ROS1: variants seen among roughly 807,000 people sequenced by gnomAD.
ROS1 encodes proto-oncogene tyrosine-protein kinase ROS.
In ROS1, 263 loss-of-function variants were observed where a neutral mutation model predicts 273.5. The observed-to-expected ratio is 0.96, with a 90% CI of 0.87 to 1.06. The LOEUF is 1.06. ROS1 is among the 50% of genes least tolerant of loss of function. ROS1 has a pLI of 0.00. For synonymous variants in ROS1, 1,008 were observed against 954.1 expected (o/e 1.06, Z -1.04); for missense variants, 2,833 against 2,751.1 (o/e 1.03, Z -0.67).
chr6:117,387,089 T>G, intron 14 of ROS1, 90 bp from the exon 15 acceptor site: 1 of 554,564 alleles, frequency 1.8e-6, no homozygotes, highest in South Asian at 3.8e-5. Context: ...CCTTATATCT[T>G]ATGATTTTCT....
intron 39 of ROS1, among the ~76,000 whole-genome samples, chr6:117,315,625 G>C (rs1366703695): frequency 1.3e-5 from 2 of 152,006 alleles, no homozygotes; most frequent in Non-Finnish European, 2.9e-5. Context: ...CAAGTGTGAG[G>C]GAAGAATAAA....
intron 39 of ROS1, among the ~76,000 whole-genome samples, chr6:117,313,273 C>G (rs77831724): frequency 6.6e-6 from 1 of 151,990 alleles, no homozygotes; most frequent in Non-Finnish European, 1.5e-5. Context: ...ATCCTTTTAA[C>G]AAAAGTTAAG....
At chr6:117,346,314 A>T (rs940133415) in intron 27 of ROS1, among the ~76,000 whole-genome samples, 3 of 152,120 alleles carry the variant, frequency 2.0e-5, no homozygotes, top group Admixed American at 6.5e-5. Flanking sequence ...AAAAAGGACC[A>T]AGATAACTTG....
chr6:117,394,467 A>C (rs1392196422), intron 10 of ROS1, 121 bp from the exon 11 acceptor site: 28 of 831,890 alleles, frequency 3.4e-5, no homozygotes, highest in Admixed American at 4.0e-5. Context: ...TTTATTTTAA[A>C]AGAAAATATT....
At chr6:117,312,460 C>T (rs1208229681) in intron 39 of ROS1, among the ~76,000 whole-genome samples, 1 of 152,080 alleles carries the variant, frequency 6.6e-6, no homozygotes, top group Admixed American at 6.6e-5. Flanking sequence ...AAATCAATAT[C>T]CTCCAACCCT....
chr6:117,403,244 G>T lies in ROS1; in HGVS notation c.499C>A (p.Leu167Met), dbSNP rs1215188906. 9 of 1,612,136 alleles carry T rather than the reference G, an allele frequency of 5.6e-6. No individual in the cohort carries two copies. Among genetic ancestry groups the T allele is most frequent in the Non-Finnish European group, 6.8e-6 (8 of 1,179,638 alleles). The part of the protein sequence containing the change: ...VSRPSYVVKP[L>M]HPFTEYIFRV... ...AAAATGTACTCAGTGAAGGGGTGCA[G>T]GGGCTTGACCACATAGGACGGTCTG... is the stretch of plus-strand genomic sequence containing the variant. Residue 167 changes from leucine (L) to methionine (M), a missense_variant, in exon 7 of 44, where the codon CTG (leucine) becomes ATG (methionine). Coordinates refer to ENST00000368507, the MANE Select transcript of ROS1 (RefSeq NM_001378902.1).
intron 3 of ROS1, among the ~76,000 whole-genome samples, chr6:117,415,538 C>T (rs1775272821): frequency 6.6e-6 from 1 of 152,148 alleles, no homozygotes; most frequent in African/African-American, 2.4e-5. Flanking sequence ...GTAGTTACAA[C>T]ACGACAGGCT....
rs55708202 is a variant in ROS1 at position 117,321,255 on chromosome 6, A to C, written c.5759+4T>G. ...GCTCCATAATGATGGCCAAAGCTAC[A>C]TACTGTATTGCATAGCAGGCATTAG... is the stretch of plus-strand genomic sequence containing the variant. On this transcript the variant is annotated splice_donor_region_variant and intron_variant, in intron 36 of 43. Coordinates refer to ENST00000368507, the MANE Select transcript of ROS1 (RefSeq NM_001378902.1). The C allele has an allele frequency of 8.5e-3, 13,745 of 1,612,852 alleles. 411 individuals carry two copies. The highest frequency in any genetic ancestry group is 0.065 in the Admixed American group (3,848 of 59,522).
chr6:117,325,665 G>A (rs370944204), intron 34 of ROS1, among the ~76,000 whole-genome samples: 32 of 152,112 alleles, frequency 2.1e-4, no homozygotes, highest in African/African-American at 7.5e-4. Context: ...GTGGAAAGAG[G>A]AAGATGAGAA....
At position 117,383,577 on chromosome 6, in the gene ROS1, C is replaced by T. The variant is rs1003958354; in HGVS notation, c.2290-69G>A. ...CATTATTATTTCTGAATATTTATTG[C>T]AATCATTAATAAATTGCTTGATTAA... is the stretch of plus-strand genomic sequence containing the variant. On this transcript the variant is annotated intron_variant, in intron 16 of 43. Coordinates refer to ENST00000368507, the MANE Select transcript of ROS1 (RefSeq NM_001378902.1). 6 of 1,166,364 alleles carry T rather than the reference C, an allele frequency of 5.1e-6. No homozygotes were observed. The African/African-American group carries it at 9.1e-5, about 18-fold the overall frequency. The allele number at this position is 1,166,364 out of a possible 1,614,324, so 72.3% of individuals were successfully genotyped here. A position where few individuals can be genotyped will look rare whatever the true frequency, so the allele number is the denominator to read the frequency against.
At chr6:117,403,466 T>G (rs756001944) in intron 6 of ROS1, among the ~76,000 whole-genome samples, 189 bp from the exon 7 acceptor site, 4 of 152,192 alleles carry the variant, frequency 2.6e-5, no homozygotes, top group Admixed American at 2.6e-4. Context: ...CCCTTCAAAA[T>G]AGCAAAATTA....
intron 11 of ROS1, among the ~76,000 whole-genome samples, chr6:117,393,815 T>C (rs1773269378): frequency 6.6e-6 from 1 of 152,216 alleles, no homozygotes; most frequent in African/African-American, 2.4e-5. Flanking sequence ...GGTTATGATA[T>C]AATTTTAAAT....
rs773338439 is a variant in ROS1 at position 117,341,434 on chromosome 6, G to T, written c.4850C>A (p.Thr1617Asn). 6.2e-7 allele frequency: 1 copy of T among 1,613,812 alleles called. No homozygotes were observed. The highest frequency in any genetic ancestry group is 1.7e-5 in the Admixed American group (1 of 60,000). Residue 1617 changes from threonine to asparagine, a missense_variant, in exon 30 of 44, where the codon ACT becomes AAT. Coordinates refer to ENST00000368507, the MANE Select transcript of ROS1 (RefSeq NM_001378902.1). ...FPNGRLTLLV[T>N]RLSGGNIYVL... The stretch of plus-strand genomic sequence containing the variant: ...ATAAATATTTCCACCAGACAGTCTA[G>T]TAACAAGGAGAGTGAGCCTTCCATT...
chr6:117,345,726 AAC>A (rs1157808975), intron 27 of ROS1, among the ~76,000 whole-genome samples: 1 of 152,170 alleles, frequency 6.6e-6, no homozygotes, highest in Non-Finnish European at 1.5e-5. Flanking sequence ...CTCTTCTGTA[AAC>A]AGAGACAATG....
chr6:117,308,740 G>T, intron 42 of ROS1, 54 bp downstream of exon 42: 1 of 1,572,174 alleles, frequency 6.4e-7, no homozygotes, highest in Non-Finnish European at 8.7e-7. Context: ...GCCTAAGATT[G>T]TATGTGCACA....
intron 13 of ROS1, 174 bp from the exon 14 acceptor site, chr6:117,388,166 T>G: frequency 1.0e-6 from 1 of 975,450 alleles, no homozygotes; most frequent in Admixed American, 2.6e-5. Context: ...TAGGACAGTG[T>G]TCATTCCTCA....
rs552279205 is a variant in ROS1 at position 117,293,318 on chromosome 6, G to GA, written c.6716-4517dup. Among the ~76,000 whole-genome samples the GA allele has an allele frequency of 2.5e-3, 376 of 152,084 alleles. 1 individual carries two copies. Among genetic ancestry groups the GA allele is most frequent in the African/African-American group, 8.4e-3 (347 of 41,526 alleles). The stretch of plus-strand genomic sequence containing the variant: ...TCCTTAAAAATAAGCTTATTTGTAA[G>GA]AAAAAAATGCTGGAGAACCTACTAC... On this transcript the variant is annotated intron_variant, in intron 43 of 43. Coordinates refer to ENST00000368507, the MANE Select transcript of ROS1 (RefSeq NM_001378902.1).
rs548325064 is a variant in ROS1, at chr6:117,321,183, G to A, written c.5759+76C>T. On this transcript the variant is annotated intron_variant, in intron 36 of 43. Coordinates refer to ENST00000368507, the MANE Select transcript of ROS1 (RefSeq NM_001378902.1). ...AAACCATGACTGTCTTGGGCAATGC[G>A]GAATTCATAGGCACTCTCCTTACTG... 68 of 1,485,670 alleles carry A rather than the reference G, an allele frequency of 4.6e-5. No homozygotes were observed. The East Asian group carries it at 1.1e-3, about 25-fold the overall frequency. The allele number at this position is 1,485,670 out of a possible 1,614,324, so 92.0% of individuals were successfully genotyped here. A position where few individuals can be genotyped will look rare whatever the true frequency, so the allele number is the denominator to read the frequency against.
chr6:117,292,002 C>T (rs1773868748), intron 43 of ROS1, among the ~76,000 whole-genome samples: 1 of 151,178 alleles, frequency 6.6e-6, no homozygotes, highest in Non-Finnish European at 1.5e-5. Flanking sequence ...TGGAGTCTCA[C>T]TCTGTCGCCC....
Sources: allele counts gnomAD v4.1 joint callset (sites outside exome capture counted in the v4.1 genomes callset), GRCh38; gene constraint gnomAD v4.1.1; transcripts MANE v1.5; gene names NCBI Gene and HGNC (gene_info 2026-07-23, HGNC 2026-07-21).